Variants in C22orf15 observed in about 807,000 individuals in gnomAD.
C22orf15 encodes chromosome 22 open reading frame 15.
C22orf15 carries 21 observed loss-of-function variants against 20.3 expected under a neutral mutation model. The ratio of observed to expected loss-of-function variants is 1.04; its 90% CI spans 0.74 to 1.49. C22orf15 has a LOEUF of 1.49. Ranked by LOEUF, C22orf15 falls within the 40% of genes most tolerant of loss-of-function variation. The probability of loss-of-function intolerance (pLI) is 0.00; values close to 1 mark genes in which losing one functional copy is unlikely to be tolerated. For missense variants in C22orf15, 170 were observed against 191.1 expected (o/e 0.89, Z 0.65); for synonymous variants, 78 against 75.4 (o/e 1.03, Z -0.18).
rs1420179303 is a variant in C22orf15, at chr22:23,765,619, A to G, written c.436-102A>G. 1.1e-5 allele frequency: 16 copies of G among 1,509,084 alleles called. No homozygotes were observed. The Admixed American group carries it at 3.3e-4, about 31-fold the overall frequency. The allele number at this position is 1,509,084 out of a possible 1,614,324, so 93.5% of individuals were successfully genotyped here. On this transcript the variant is annotated intron_variant, in intron 5 of 5. Transcript: ENST00000402217. Reference sequence around the variant, plus strand: ...ACCCTCAGAGTCAGATGCCCTTGGGATCACCGACTAATGCCTCTCCACCTC... The same window carrying G: ...ACCCTCAGAGTCAGATGCCCTTGGGGTCACCGACTAATGCCTCTCCACCTC...
At position 23,764,726 on chromosome 22, in the gene C22orf15, G is replaced by T. The variant is rs751455317; in HGVS notation, c.325+13G>T. On this transcript the variant is annotated intron_variant, in intron 4 of 5. Coordinates refer to ENST00000402217, the MANE Select transcript of C22orf15 (RefSeq NM_182520.3). ...CCAGAGCTGGCAGGTGAGTGTCAGG[G>T]TACAGCCCAGGGGGAGGGCACACCT... 6.2e-7 allele frequency: 1 copy of T among 1,614,164 alleles called. No individual in the cohort carries two copies. Among genetic ancestry groups the T allele is most frequent in the South Asian group, 1.1e-5 (1 of 91,084 alleles).
In C22orf15 at chr22:23,764,283, G is replaced by A. The variant is rs1926265474; in HGVS notation, c.136G>A (p.Asp46Asn). 2.6e-6 allele frequency: 4 copies of A among 1,551,688 alleles called. No individual in the cohort carries two copies. The South Asian group carries it at 4.8e-5, about 18-fold the overall frequency. The change falls in exon 3 of 6, where the codon GAT (aspartate) becomes AAT (asparagine). Residue 46 changes from aspartate to asparagine, a missense_variant. Asp to Asn is a conservative substitution (Grantham distance 23, BLOSUM62 1). Coordinates refer to ENST00000402217, the MANE Select transcript of C22orf15 (RefSeq NM_182520.3). ...PDATIALLAE[D>N]GNLVSLEEDL... ...AGCGACCATTGCTCTCCTGGCTGAG[G>A]ATGGCAACCTAGTGAGCCTGGAGGA...
chr22:23,764,179 G>A lies in C22orf15; in HGVS notation c.112+6G>A. 1 of 1,551,700 alleles carries A rather than the reference G, an allele frequency of 6.4e-7. No homozygotes were observed. The highest frequency in any genetic ancestry group is 8.7e-7 in the Non-Finnish European group (1 of 1,146,976). ...AGCAGGGTTGCCCCCAGATGGTGAG[G>A]AGACAGGGAGGAGAAGGAGGGGCTG... On this transcript the variant is annotated splice_donor_region_variant and intron_variant, in intron 2 of 5. Transcript: ENST00000402217.
intron 1 of C22orf15, 65 bp from the exon 2 acceptor site, chr22:23,764,022 A>G: frequency 6.7e-7 from 1 of 1,482,570 alleles, no homozygotes; most frequent in Admixed American, 2.0e-5. Flanking sequence ...GGAGGGAGAG[A>G]CAGAGGACCC....
intron 1 of C22orf15, 40 bp from the exon 2 acceptor site, chr22:23,764,047 G>A: frequency 6.5e-7 from 1 of 1,541,710 alleles, no homozygotes; most frequent in Non-Finnish European, 8.8e-7. Flanking sequence ...TTGGAGGAAG[G>A]TAAGAGATCT....
chr22:23,763,404 T>C (rs902226098), intron 1 of C22orf15, 73 bp downstream of exon 1: 8 of 1,470,400 alleles, frequency 5.4e-6, no homozygotes, highest in Non-Finnish European at 6.4e-6. Flanking sequence ...CCTTCCGCCC[T>C]TGCGGTGGGT....
chr22:23,764,903 G>C lies in C22orf15; in HGVS notation c.435+1G>C. The C allele has an allele frequency of 6.2e-7, 1 of 1,608,022 alleles. No individual in the cohort carries two copies. The highest frequency in any genetic ancestry group is 8.5e-7 in the Non-Finnish European group (1 of 1,176,376). ...AAGCCCCACTTCAAGGCCCAGAAAG[G>C]TGAGCTCCCTGCCACCCAGGAGTTG... On this transcript the variant is annotated splice_donor_variant, in intron 5 of 5. Transcript: ENST00000402217. LOFTEE classifies it high-confidence loss of function.
rs1259810829 is a variant in C22orf15, at chr22:23,764,252, C to A, written c.113-8C>A. The A allele has an allele frequency of 1.3e-6, 2 of 1,551,510 alleles. No homozygotes were observed. Among genetic ancestry groups the A allele is most frequent in the South Asian group, 2.4e-5 (2 of 84,070 alleles). ...AGCCCTGCCCAGTCTCTCTCCATGT[C>A]CTCCCAGCGACCATTGCTCTCCTGG... On this transcript the variant is annotated splice_polypyrimidine_tract_variant and splice_region_variant and intron_variant, in intron 2 of 5. Transcript: ENST00000402217.
intron 5 of C22orf15, chr22:23,765,105 C>A: frequency 7.0e-7 from 1 of 1,437,988 alleles, no homozygotes; most frequent in Non-Finnish European, 9.1e-7. Context: ...TCCCCACCAC[C>A]CCACGGGAGT....
At chr22:23,764,549 C>T in intron 3 of C22orf15, 90 bp from the exon 4 acceptor site, 2 of 1,561,824 alleles carry the variant, frequency 1.3e-6, no homozygotes, top group Non-Finnish European at 1.8e-6. Context: ...CTGCTCCCAG[C>T]CTGGACTAGC....
At chr22:23,764,488 G>A (rs1926345224) in intron 3 of C22orf15, 91 bp downstream of exon 3, 1 of 1,585,490 alleles carries the variant, frequency 6.3e-7, no homozygotes, top group African/African-American at 1.3e-5. Context: ...GCCCTGTCCG[G>A]CCTCCCACCT....
At chr22:23,765,299 C>A in intron 5 of C22orf15, 1 of 1,533,604 alleles carries the variant, frequency 6.5e-7, no homozygotes, top group Admixed American at 2.0e-5. Flanking sequence ...GCTTGGGGAC[C>A]TGGCACACTA....
Position 23,763,257 on chromosome 22 carries a change from C to G in C22orf15, c.-50C>G, listed in dbSNP as rs981895827. 6.5e-6 allele frequency: 10 copies of G among 1,548,918 alleles called. No homozygotes were observed. The African/African-American group carries it at 1.4e-4, about 21-fold the overall frequency. On this transcript the variant is annotated 5_prime_UTR_variant, in exon 1 of 6. The change creates a new upstream start codon in the 5' untranslated region. Transcript: ENST00000402217. ...CCACGCTTTTCCTTAGTTGGGGAAT[C>G]GAGAGTTGGGGGATCAAAGCCCCCC...
chr22:23,763,276 G>A lies in C22orf15; in HGVS notation c.-31G>A, dbSNP rs779390800. ...GGGAATCGAGAGTTGGGGGATCAAAGCCCCCCACATCTCCCTCACCCGCTG... is the reference window on the plus strand; with the variant it reads ...GGGAATCGAGAGTTGGGGGATCAAAACCCCCCACATCTCCCTCACCCGCTG... On this transcript the variant is annotated 5_prime_UTR_variant, in exon 1 of 6. Coordinates refer to ENST00000402217, the MANE Select transcript of C22orf15 (RefSeq NM_182520.3). 12 of 1,549,674 alleles carry A rather than the reference G, an allele frequency of 7.7e-6. No individual in the cohort carries two copies. In the South Asian group the frequency reaches 1.2e-4, roughly 15 times the overall value.
At position 23,764,379 on chromosome 22, in the gene C22orf15, G is replaced by A. The variant is rs370671273; in HGVS notation, c.232G>A (p.Val78Ile). The change falls in exon 3 of 6, where the codon GTC becomes ATC. Residue 78 changes from valine (V) to isoleucine (I), a missense_variant. Val to Ile is a conservative substitution (Grantham distance 29). Coordinates refer to ENST00000402217, the MANE Select transcript of C22orf15 (RefSeq NM_182520.3). ...NSLLKERAIYVLVRIIKGEDM... is the reference protein window; with the variant it reads ...NSLLKERAIYILVRIIKGEDM... ...CCTACTGAAGGAGCGAGCCATATAT[G>A]TCCTCGTTCGGATCATCAGTAAGGT... 137 of 1,554,362 alleles carry A rather than the reference G, an allele frequency of 8.8e-5. No individual in the cohort carries two copies. Among genetic ancestry groups the A allele is most frequent in the Non-Finnish European group, 1.1e-4 (130 of 1,148,536 alleles).
rs1926222369 is a variant in C22orf15, at chr22:23,764,159, G to A, written c.98G>A (p.Gly33Glu). 6.4e-7 allele frequency: 1 copy of A among 1,551,724 alleles called. No homozygotes were observed. The highest frequency in any genetic ancestry group is 1.4e-5 in the African/African-American group (1 of 73,176). Residue 33 changes from glycine (G) to glutamate (E), a missense_variant, in exon 2 of 6, where the codon GGG (glycine) becomes GAG (glutamate). Gly to Glu is a moderately conservative substitution (Grantham distance 98). Coordinates refer to ENST00000402217, the MANE Select transcript of C22orf15 (RefSeq NM_182520.3). ...NLTAHLRQKA[G>E]LPPDATIALL... ...ACCGCCCACCTGAGGCAGAAAGCAG[G>A]GTTGCCCCCAGATGGTGAGGAGACA... is the stretch of plus-strand genomic sequence containing the variant.
At chr22:23,765,456 A>G (rs1926629515) in intron 5 of C22orf15, 4 of 1,550,928 alleles carry the variant, frequency 2.6e-6, no homozygotes, top group African/African-American at 1.4e-5. Context: ...AAGAGGGGCA[A>G]GGTCAGACAG....
rs1315943464 is a variant in C22orf15 at position 23,763,166 on chromosome 22, C to G, written c.-141C>G. 8.4e-7 allele frequency: 1 copy of G among 1,189,720 alleles called. No homozygotes were observed. Among genetic ancestry groups the G allele is most frequent in the Non-Finnish European group, 1.2e-6 (1 of 838,288 alleles). 73.7% of individuals were successfully genotyped at this position (1,189,720 alleles called of 1,614,324 possible). A position where few individuals can be genotyped will look rare whatever the true frequency, so the allele number is the denominator to read the frequency against. On this transcript the variant is annotated 5_prime_UTR_variant, in exon 1 of 6. Transcript: ENST00000402217. ...GCTGAGCAGGGGCCTGGCCCTGGGA[C>G]CCAGCCATCCACACTCACACATCCA...
chr22:23,763,207 C>T lies in C22orf15; in HGVS notation c.-100C>T. 2 of 1,484,984 alleles carry T rather than the reference C, an allele frequency of 1.3e-6. No individual in the cohort carries two copies. The highest frequency in any genetic ancestry group is 1.8e-6 in the Non-Finnish European group (2 of 1,092,140). 92.0% of individuals were successfully genotyped at this position (1,484,984 alleles called of 1,614,324 possible). A position where few individuals can be genotyped will look rare whatever the true frequency, so the allele number is the denominator to read the frequency against. On this transcript the variant is annotated 5_prime_UTR_variant, in exon 1 of 6. Transcript: ENST00000402217. ...CACACATCCACTTCTCCCTCCAGAG[C>T]CCGGCCCTGAAGCAGGTCTCTGCTC...
Sources: allele counts gnomAD v4.1 joint callset, GRCh38; gene constraint gnomAD v4.1.1; transcripts MANE v1.5; gene names NCBI Gene and HGNC (gene_info 2026-07-23, HGNC 2026-07-21).